The following KNTC1 variants were observed in gnomAD, a reference collection of about 807,000 sequenced individuals.
KNTC1 encodes the protein kinetochore-associated protein 1.
Under a neutral mutation model 314.4 loss-of-function variants are expected in KNTC1, and 253 were observed. The observed-to-expected ratio is 0.80, with a 90% CI of 0.73 to 0.89. The LOEUF (loss-of-function observed/expected upper bound fraction) is 0.89, where lower values mean the gene tolerates loss of function less well. Among genes scored for constraint, KNTC1 ranks in the 40% least tolerant of loss-of-function variants. The pLI is 0.00. For missense variants in KNTC1, 2,475 were observed against 2,572.9 expected, an observed-to-expected ratio of 0.96 and a Z score of 0.82; for synonymous variants, 901 against 901.4, an observed-to-expected ratio of 1.00 and a Z score of 0.01.
chr12:122,589,348 A>AT (rs1421212661), intron 40 of KNTC1, among the ~76,000 whole-genome samples: 9 of 151,892 alleles, frequency 5.9e-5, no homozygotes, highest in East Asian at 3.9e-4. Context: ...TAAATATTAG[A>AT]TTTTTTATTA....
intron 20 of KNTC1, among the ~76,000 whole-genome samples, chr12:122,564,275 C>T (rs1964162231): frequency 1.3e-5 from 2 of 151,830 alleles, no homozygotes. Context: ...CTGCACCTGG[C>T]CTTATGGTTT....
In KNTC1 at chr12:122,547,527, C is replaced by T. The variant is rs746924564; in HGVS notation, c.929C>T (p.Thr310Met). The change falls in exon 11 of 64, where the codon ACG becomes ATG. Residue 310 changes from threonine to methionine, a missense_variant. Physicochemically the swap from Thr to Met is moderately conservative, Grantham distance 81. Coordinates refer to ENST00000333479, the MANE Select transcript of KNTC1 (RefSeq NM_014708.6). Reference sequence around the variant, plus strand: ...GAAGCAGACTCTCCTTCATCAGTCACGTGGTATGTTATGACTATGGCTAGT... The same window carrying T: ...GAAGCAGACTCTCCTTCATCAGTCATGTGGTATGTTATGACTATGGCTAGT... ...TTEADSPSSV[T>M]WQGITNLKLI... The T allele has an allele frequency of 1.2e-5, 19 of 1,584,498 alleles. No homozygotes were observed. Among genetic ancestry groups the T allele is most frequent in the African/African-American group, 5.4e-5 (4 of 74,364 alleles).
intron 5 of KNTC1, among the ~76,000 whole-genome samples, chr12:122,540,800 T>A (rs916925808): frequency 6.6e-6 from 1 of 152,192 alleles, no homozygotes; most frequent in Non-Finnish European, 1.5e-5. Flanking sequence ...AAGTTAACAA[T>A]GTTTTTGCAA....
In KNTC1 at chr12:122,530,033, G is replaced by A; in HGVS notation, c.-31G>A. ...TTTATGTTGTTCAGGAAAGACAGTG[G>A]TTCCTGACTCAGGAAGACAGTCTCA... On this transcript the variant is annotated 5_prime_UTR_variant, in exon 2 of 64. Transcript: ENST00000333479. 1 of 1,609,440 alleles carries A rather than the reference G, an allele frequency of 6.2e-7. No individual in the cohort carries two copies. Among genetic ancestry groups the A allele is most frequent in the East Asian group, 2.2e-5 (1 of 44,790 alleles).
At chr12:122,539,505 A>G (rs901648471) in intron 4 of KNTC1, among the ~76,000 whole-genome samples, 171 bp from the exon 5 acceptor site, 2 of 152,332 alleles carry the variant, frequency 1.3e-5, no homozygotes, top group East Asian at 3.9e-4. Flanking sequence ...GCAGTCTTGA[A>G]GGTATTTAGT....
Position 122,591,346 on chromosome 12 carries a change from C to A in KNTC1, c.4138C>A (p.Leu1380Met). The A allele has an allele frequency of 1.3e-6, 2 of 1,592,058 alleles. No individual in the cohort carries two copies. Among genetic ancestry groups the A allele is most frequent in the African/African-American group, 1.3e-5 (1 of 74,566 alleles). ...QNYDKILAIS[L>M]VGSELASLYQ... Reference sequence around the variant, plus strand: ...TCTTTTAATTTTTTAGGCAATATCTCTGGTGGGCTCTGAGCTGGCAAGTCT... The same window carrying A: ...TCTTTTAATTTTTTAGGCAATATCTATGGTGGGCTCTGAGCTGGCAAGTCT... The change falls in exon 42 of 64, where the codon CTG becomes ATG. Residue 1380 changes from leucine (L) to methionine (M), a missense_variant. By Grantham distance (15) the Leu-to-Met change is conservative. Transcript: ENST00000333479.
At chr12:122,615,141 T>TC in intron 56 of KNTC1, 55 bp downstream of exon 56, 1 of 1,234,674 alleles carries the variant, frequency 8.1e-7, no homozygotes, top group South Asian at 1.3e-5. Context: ...TTGCACAGCA[T>TC]CCCCTAAACA....
At chr12:122,621,202 C>G (rs1405511559) in intron 60 of KNTC1, among the ~76,000 whole-genome samples, 1 of 152,096 alleles carries the variant, frequency 6.6e-6, no homozygotes, top group Non-Finnish European at 1.5e-5. Context: ...GGGGATAGAA[C>G]TTTTAAAAAT....
chr12:122,588,955 C>A, intron 40 of KNTC1, 139 bp downstream of exon 40: 1 of 457,352 alleles, frequency 2.2e-6, no homozygotes. Flanking sequence ...TGTCTTATAG[C>A]TAATCAATTA....
At chr12:122,557,999 C>T (rs1043705110) in intron 18 of KNTC1, among the ~76,000 whole-genome samples, 4 of 152,204 alleles carry the variant, frequency 2.6e-5, no homozygotes, top group African/African-American at 7.2e-5. Context: ...GCCTTAATCC[C>T]AGCAATTTGT....
chr12:122,558,798 C>T (rs1481538327), intron 18 of KNTC1, among the ~76,000 whole-genome samples: 2 of 152,078 alleles, frequency 1.3e-5, no homozygotes, highest in Non-Finnish European at 2.9e-5. Flanking sequence ...ATTGCTTGAA[C>T]CTGGTAGGCA....
At chr12:122,562,378 A>G (rs922286738) in intron 19 of KNTC1, among the ~76,000 whole-genome samples, 2 of 151,970 alleles carry the variant, frequency 1.3e-5, no homozygotes, top group African/African-American at 2.4e-5. Flanking sequence ...AGTTCCTACA[A>G]TTAATGTGTA....
intron 57 of KNTC1, 100 bp from the exon 58 acceptor site, chr12:122,618,243 A>T: frequency 1.0e-6 from 1 of 975,052 alleles, no homozygotes; most frequent in Non-Finnish European, 1.6e-6. Context: ...AAGTGCTGGG[A>T]TTATAGGTGT....
Position 122,604,788 on chromosome 12 carries a change from G to C in KNTC1, c.5176-89G>C, listed in dbSNP as rs181904974. ...CTTAGGAACATAACTGAGGAAGGGG[G>C]GAGGGATTGTGATTGATAAAGATGG... On this transcript the variant is annotated intron_variant, in intron 49 of 63. Coordinates refer to ENST00000333479, the MANE Select transcript of KNTC1 (RefSeq NM_014708.6). The C allele has an allele frequency of 2.4e-3, 3,192 of 1,329,442 alleles. 8 individuals carry two copies. The highest frequency in any genetic ancestry group is 2.5e-3 in the Non-Finnish European group (2,335 of 947,168). The allele number at this position is 1,329,442 out of a possible 1,614,324, so 82.4% of individuals were successfully genotyped here.
chr12:122,600,016 G>T (rs960804017), intron 44 of KNTC1, among the ~76,000 whole-genome samples: 2 of 152,052 alleles, frequency 1.3e-5, no homozygotes, highest in African/African-American at 4.8e-5. Context: ...GAGACTCTGT[G>T]TCAAAAATAA....
rs1028294916 is a variant in KNTC1 at position 122,617,195 on chromosome 12, A to G, written c.6031-1148A>G. ...AACATTTGTGTACAAGTTTTCACTG[A>G]ACATGTTTTCATTTCTCCTGAGTAT... On this transcript the variant is annotated intron_variant, in intron 57 of 63. Coordinates refer to ENST00000333479, the MANE Select transcript of KNTC1 (RefSeq NM_014708.6). 5.9e-5 allele frequency among the ~76,000 whole-genome samples: 9 copies of G among 152,138 alleles called. 1 individual carries two copies. The highest frequency in any genetic ancestry group is 1.2e-4 in the Non-Finnish European group (8 of 68,016).
chr12:122,617,180 T>G (rs970861221), intron 57 of KNTC1, among the ~76,000 whole-genome samples: 5 of 152,214 alleles, frequency 3.3e-5, no homozygotes, highest in African/African-American at 4.8e-5. Flanking sequence ...AACATTTGTG[T>G]ACAAGTTTTC....
At chr12:122,557,310 C>A in intron 16 of KNTC1, 74 bp from the exon 17 acceptor site, 3 of 1,431,094 alleles carry the variant, frequency 2.1e-6, no homozygotes, top group Non-Finnish European at 2.9e-6. Context: ...TTTCACTCAG[C>A]TTACTCTGAG....
intron 57 of KNTC1, among the ~76,000 whole-genome samples, chr12:122,616,333 G>T (rs1243601030): frequency 3.3e-5 from 5 of 151,638 alleles, no homozygotes; most frequent in Admixed American, 2.6e-4. Flanking sequence ...TGTGATCTCG[G>T]CTCATTGCAA....
Sources: gnomAD v4.1 joint callset for allele counts (sites outside exome capture counted in the v4.1 genomes callset) on GRCh38, gnomAD v4.1.1 for gene constraint, MANE v1.5 for transcripts, NCBI Gene and HGNC (gene_info 2026-07-23, HGNC 2026-07-21) for gene names.